Variants in WDR37 observed in about 807,000 individuals in gnomAD.
WDR37 encodes WD repeat-containing protein 37.
WDR37 carries 19 observed loss-of-function variants against 62.9 expected under a neutral mutation model. The observed-to-expected ratio is 0.30, with a 90% CI of 0.21 to 0.44. The LOEUF (loss-of-function observed/expected upper bound fraction) is 0.44. WDR37 is among the 20% of genes least tolerant of loss of function. The pLI is 1.00. For synonymous variants in WDR37, 250 were observed against 260.9 expected, an observed-to-expected ratio of 0.96 and a Z score of 0.40; for missense variants, 474 against 657.6, an observed-to-expected ratio of 0.72 and a Z score of 3.05.
At chr10:1,094,732 G>T (rs1834511457) in intron 8 of WDR37, among the ~76,000 whole-genome samples, 1 of 152,158 alleles carries the variant, frequency 6.6e-6, no homozygotes, top group South Asian at 2.1e-4. Context: ...GGAAACATGA[G>T]GTAATGGACA....
chr10:1,093,299 A>T (rs1834462762), intron 7 of WDR37, among the ~76,000 whole-genome samples, 153 bp from the exon 8 acceptor site: 1 of 152,194 alleles, frequency 6.6e-6, no homozygotes, highest in Non-Finnish European at 1.5e-5. Context: ...GTTCTAATTC[A>T]CACATTTATT....
At chr10:1,126,231 C>G (rs374470143) in intron 13 of WDR37, among the ~76,000 whole-genome samples, 1 of 152,048 alleles carries the variant, frequency 6.6e-6, no homozygotes, top group African/African-American at 2.4e-5. Flanking sequence ...CGGTGAAACC[C>G]TGTCTCTAAT....
intron 13 of WDR37, among the ~76,000 whole-genome samples, chr10:1,126,390 A>T (rs1201508372): frequency 7.0e-6 from 1 of 143,718 alleles, no homozygotes; most frequent in Non-Finnish European, 1.5e-5. Context: ...TGGGCGACAG[A>T]GCGAGACTGT....
intron 11 of WDR37, among the ~76,000 whole-genome samples, chr10:1,109,220 GTTAT>G (rs1835131323): frequency 6.6e-6 from 1 of 152,172 alleles, no homozygotes; most frequent in Non-Finnish European, 1.5e-5. Context: ...TGCCTCTTGT[GTTAT>G]TTAAGACCCT....
Position 1,093,437 on chromosome 10 carries a change from AT to A in WDR37, c.605-10del, listed in dbSNP as rs777446597. 6.2e-7 allele frequency: 1 copy of A among 1,602,726 alleles called. No individual in the cohort carries two copies. Among genetic ancestry groups the A allele is most frequent in the Non-Finnish European group, 8.5e-7 (1 of 1,173,708 alleles). On this transcript the variant is annotated splice_polypyrimidine_tract_variant and intron_variant, in intron 7 of 13. Transcript: ENST00000263150. The stretch of plus-strand genomic sequence containing the variant: ...GTCACTTTAAACCTGTTTTTATCAT[AT>A]TTTTATTTTGCAGTAAATTCTATCA...
At position 1,105,320 on chromosome 10, in the gene WDR37, G is replaced by A. The variant is rs1198232685; in HGVS notation, c.1103+53G>A. The A allele has an allele frequency of 1.3e-5, 20 of 1,564,762 alleles. No homozygotes were observed. The Admixed American group carries it at 3.5e-4, about 27-fold the overall frequency. The stretch of plus-strand genomic sequence containing the variant: ...CCTTAGTCATGAAAAAGTTCTGTGG[G>A]TTGACATGAAAACTTAATTCTAGCC... On this transcript the variant is annotated intron_variant, in intron 11 of 13. Coordinates refer to ENST00000263150, the MANE Select transcript of WDR37 (RefSeq NM_014023.4). This position sits in a 1 kb window ranked among gnomAD's most constrained non-coding sequence, Gnocchi z 5.3.
At chr10:1,096,954 G>A (rs1434005453) in intron 9 of WDR37, among the ~76,000 whole-genome samples, 1 of 152,164 alleles carries the variant, frequency 6.6e-6, no homozygotes, top group Non-Finnish European at 1.5e-5. Context: ...AGTGGATGTT[G>A]AAGGCCTTTC....
chr10:1,072,955 C>T (rs1404463863), intron 2 of WDR37, among the ~76,000 whole-genome samples: 2 of 152,160 alleles, frequency 1.3e-5, no homozygotes, highest in African/African-American at 4.8e-5. Context: ...TGATCTCTTT[C>T]TGTTCTCTGA....
At chr10:1,126,144 G>A (rs968686034) in intron 13 of WDR37, among the ~76,000 whole-genome samples, 22 of 152,248 alleles carry the variant, frequency 1.4e-4, no homozygotes, top group East Asian at 3.9e-4. Flanking sequence ...AGTGGCTGAC[G>A]CCTGTAATCG....
At chr10:1,076,453 G>A (rs1022614288) in intron 2 of WDR37, among the ~76,000 whole-genome samples, 5 of 152,126 alleles carry the variant, frequency 3.3e-5, no homozygotes, top group African/African-American at 1.2e-4. Context: ...ACCGAGGTGG[G>A]CAGATCATGA....
intron 2 of WDR37, chr10:1,074,502 A>C: frequency 7.7e-7 from 1 of 1,304,406 alleles, no homozygotes; most frequent in Non-Finnish European, 1.0e-6. Flanking sequence ...ACCGGTCAGC[A>C]TGTTCTGTAA....
chr10:1,072,379 G>T, intron 2 of WDR37, 86 bp downstream of exon 2: 1 of 1,528,878 alleles, frequency 6.5e-7, no homozygotes, highest in Admixed American at 1.8e-5. Flanking sequence ...GTGCGATGGT[G>T]CGATCTCCGC....
chr10:1,059,807 T>C (rs369647069), intron 1 of WDR37, among the ~76,000 whole-genome samples: 10 of 152,124 alleles, frequency 6.6e-5, no homozygotes, highest in East Asian at 1.9e-4. Flanking sequence ...AAAAAATATA[T>C]ATATAAAAGA....
At chr10:1,089,849 C>T (rs1415282579) in intron 7 of WDR37, among the ~76,000 whole-genome samples, 1 of 152,224 alleles carries the variant, frequency 6.6e-6, no homozygotes, top group Non-Finnish European at 1.5e-5. Context: ...TCCAGGATGC[C>T]TTCTGCATTT....
At chr10:1,061,553 C>T (rs1274388733) in intron 1 of WDR37, among the ~76,000 whole-genome samples, 1 of 152,126 alleles carries the variant, frequency 6.6e-6, no homozygotes, top group Non-Finnish European at 1.5e-5. Flanking sequence ...AAATTACCTT[C>T]AGGAGGCCTG....
At chr10:1,096,624 T>C (rs1834588186) in intron 9 of WDR37, 1 of 225,536 alleles carries the variant, frequency 4.4e-6, no homozygotes, top group Non-Finnish European at 8.8e-6. Flanking sequence ...TGTCTGTTTT[T>C]TATGCGTCGC....
chr10:1,083,330 C>T (rs1264480740), intron 5 of WDR37, among the ~76,000 whole-genome samples: 2 of 152,196 alleles, frequency 1.3e-5, no homozygotes, highest in African/African-American at 4.8e-5. Context: ...TGGCCTCTTC[C>T]TCAGCCTTTT....
chr10:1,124,480 C>T, intron 12 of WDR37, 128 bp downstream of exon 12: 2 of 1,323,126 alleles, frequency 1.5e-6, no homozygotes, highest in Non-Finnish European at 2.1e-6. Context: ...CTCCTTTGTC[C>T]TCTAATGCAG....
intron 11 of WDR37, among the ~76,000 whole-genome samples, chr10:1,106,881 C>T (rs919562403): frequency 1.3e-5 from 2 of 152,198 alleles, no homozygotes; most frequent in South Asian, 2.1e-4. Context: ...GAGGCTGGAA[C>T]GGGAGCAGGC....
Sources: gnomAD v4.1 joint callset for allele counts (sites outside exome capture counted in the v4.1 genomes callset) on GRCh38, gnomAD v4.1.1 for gene constraint, Gnocchi (gnomAD v3.1) non-coding constraint, MANE v1.5 for transcripts, NCBI Gene and HGNC (gene_info 2026-07-23, HGNC 2026-07-21) for gene names.